CCDC112: variants seen among roughly 807,000 people sequenced by gnomAD.
The protein encoded by CCDC112 is coiled-coil domain-containing protein 112.
CCDC112 carries 40 observed loss-of-function variants against 66.3 expected under a neutral mutation model. The ratio of observed to expected loss-of-function variants is 0.60; its 90% CI spans 0.47 to 0.79. CCDC112 has a LOEUF of 0.79. Among genes scored for constraint, CCDC112 ranks in the 30% least tolerant of loss-of-function variants. The pLI is 0.00. For missense variants in CCDC112, 659 were observed against 603.8 expected, an observed-to-expected ratio of 1.09 and a Z score of -0.96; for synonymous variants, 214 against 197.2, an observed-to-expected ratio of 1.09 and a Z score of -0.71.
At chr5:115,287,987 T>C (rs1191537169) in intron 1 of CCDC112, among the ~76,000 whole-genome samples, 3 of 152,052 alleles carry the variant, frequency 2.0e-5, no homozygotes, top group African/African-American at 4.8e-5. Flanking sequence ...AATGCCTTTT[T>C]TTTTCCCCCC....
chr5:115,296,457 G>C lies in CCDC112; in HGVS notation c.87C>G (p.Thr29=). ...GAGGCGCTGGCGTCGCTCCCACGCC[G>C]GTCCCGGTGGCCGCGCCCGCCCCTG... is the stretch of plus-strand genomic sequence containing the variant. ...AVAGAGAATG[T]GVGATPAPQQ... The change falls in exon 1 of 10, where the codon ACC becomes ACG. Residue 29 remains threonine, a synonymous_variant. Coordinates refer to ENST00000379611, the MANE Select transcript of CCDC112 (RefSeq NM_001040440.3). The C allele has an allele frequency of 6.4e-7, 1 of 1,563,014 alleles. No individual in the cohort carries two copies. Among genetic ancestry groups the C allele is most frequent in the African/African-American group, 1.4e-5 (1 of 70,926 alleles).
rs1176478712 is a variant in CCDC112 at position 115,268,871 on chromosome 5, C to T, written c.1547+11G>A. On this transcript the variant is annotated intron_variant, in intron 9 of 9. Transcript: ENST00000379611. ...ATTACTAAATGAACACCAATTCTAACTCTTTCTTACCTATGTGGGATATGT... is the reference window on the plus strand; with the variant it reads ...ATTACTAAATGAACACCAATTCTAATTCTTTCTTACCTATGTGGGATATGT... 20 of 1,487,124 alleles carry T rather than the reference C, an allele frequency of 1.3e-5. No individual in the cohort carries two copies. Among genetic ancestry groups the T allele is most frequent in the Non-Finnish European group, 1.8e-5 (20 of 1,094,404 alleles). The allele number at this position is 1,487,124 out of a possible 1,614,324, so 92.1% of individuals were successfully genotyped here.
intron 7 of CCDC112, 114 bp downstream of exon 7, chr5:115,271,099 C>G: frequency 2.2e-6 from 2 of 911,466 alleles, no homozygotes; most frequent in Non-Finnish European, 3.3e-6. Context: ...TTTTGGTATA[C>G]TAATGCTATA....
intron 3 of CCDC112, among the ~76,000 whole-genome samples, chr5:115,278,242 T>A (rs1242458201): frequency 6.6e-6 from 1 of 152,180 alleles, no homozygotes; most frequent in African/African-American, 2.4e-5. Context: ...AGGCTGATAA[T>A]CTTTTTATTT....
Position 115,296,582 on chromosome 5 carries a change from G to T in CCDC112, c.-39C>A. 3 of 1,429,996 alleles carry T rather than the reference G, an allele frequency of 2.1e-6. No homozygotes were observed. Among genetic ancestry groups the T allele is most frequent in the South Asian group, 3.0e-5 (2 of 66,298 alleles). 88.6% of individuals were successfully genotyped at this position (1,429,996 alleles called of 1,614,324 possible). The stretch of plus-strand genomic sequence containing the variant: ...GCTACTCGGGCCGCGGCGGCCACCG[G>T]TGCCTGGGGATTCGTGGCAGGCGCA... On this transcript the variant is annotated 5_prime_UTR_variant, in exon 1 of 10. Transcript: ENST00000379611.
chr5:115,284,312 T>G (rs1212757553), intron 2 of CCDC112, among the ~76,000 whole-genome samples: 1 of 152,148 alleles, frequency 6.6e-6, no homozygotes, highest in African/African-American at 2.4e-5. Flanking sequence ...ATGTTTATCC[T>G]CTATGATCCT....
Position 115,267,823 on chromosome 5 carries a change from G to T in CCDC112, c.*53C>A. ...GAATGTGGTTAGTCACTCTCTCCCTGGTATAACTTAGTATGTTAACATTCT... is the reference window on the plus strand; with the variant it reads ...GAATGTGGTTAGTCACTCTCTCCCTTGTATAACTTAGTATGTTAACATTCT... On this transcript the variant is annotated 3_prime_UTR_variant, in exon 10 of 10. Coordinates refer to ENST00000379611, the MANE Select transcript of CCDC112 (RefSeq NM_001040440.3). 1 of 1,355,082 alleles carries T rather than the reference G, an allele frequency of 7.4e-7. No homozygotes were observed. Among genetic ancestry groups the T allele is most frequent in the Non-Finnish European group, 1.1e-6 (1 of 944,936 alleles). The allele number at this position is 1,355,082 out of a possible 1,614,324, so 83.9% of individuals were successfully genotyped here. A position where few individuals can be genotyped will look rare whatever the true frequency, so the allele number is the denominator to read the frequency against.
In CCDC112 at chr5:115,276,184, G is replaced by C. The variant is rs1201357082; in HGVS notation, c.452-115C>G. 1.5e-5 allele frequency: 11 copies of C among 721,766 alleles called. No homozygotes were observed. In the Admixed American group the frequency reaches 2.9e-4, roughly 19 times the overall value. 44.7% of individuals were successfully genotyped at this position (721,766 alleles called of 1,614,324 possible). A position where few individuals can be genotyped will look rare whatever the true frequency, so the allele number is the denominator to read the frequency against. ...AATTTTAAAATATTTCTTAGCCTAAGGCATAAGAAAGTTGTGCTCAAAAGT... is the reference window on the plus strand; with the variant it reads ...AATTTTAAAATATTTCTTAGCCTAACGCATAAGAAAGTTGTGCTCAAAAGT... On this transcript the variant is annotated intron_variant, in intron 4 of 9. Coordinates refer to ENST00000379611, the MANE Select transcript of CCDC112 (RefSeq NM_001040440.3).
At chr5:115,279,838 A>T in intron 2 of CCDC112, 70 bp from the exon 3 acceptor site, 1 of 832,374 alleles carries the variant, frequency 1.2e-6, no homozygotes, top group Non-Finnish European at 1.8e-6. Flanking sequence ...ATATGAAGAC[A>T]CTCAATAATC....
rs768659898 is a variant in CCDC112, at chr5:115,276,067, C to T, written c.454G>A (p.Val152Ile). ...TCCATCATTTCTCTGAGCTTCTCAACAACTGTAAAAGAAACACGGAAAATT... is the reference window on the plus strand; with the variant it reads ...TCCATCATTTCTCTGAGCTTCTCAATAACTGTAAAAGAAACACGGAAAATT... ...LKDVKPTPDFVEKLREMMEEI... is the reference protein window; with the variant it reads ...LKDVKPTPDFIEKLREMMEEI... The change falls in exon 5 of 10, where the codon GTT (valine) becomes ATT (isoleucine). Residue 152 changes from valine (V) to isoleucine (I), a missense_variant and splice_region_variant. By Grantham distance (29) the Val-to-Ile change is conservative. Transcript: ENST00000379611. 6 of 1,597,370 alleles carry T rather than the reference C, an allele frequency of 3.8e-6. No homozygotes were observed. In the South Asian group the frequency reaches 6.8e-5, roughly 18 times the overall value.
At chr5:115,294,233 T>G (rs1158118728) in intron 1 of CCDC112, among the ~76,000 whole-genome samples, 1 of 152,230 alleles carries the variant, frequency 6.6e-6, no homozygotes, top group Admixed American at 6.5e-5. Flanking sequence ...TGTGATGGAC[T>G]GAATTGTGTT....
chr5:115,269,895 C>G, intron 7 of CCDC112, 97 bp from the exon 8 acceptor site: 1 of 672,688 alleles, frequency 1.5e-6, no homozygotes, highest in Non-Finnish European at 2.5e-6. Flanking sequence ...CCTTACCTAT[C>G]AATATTCCTT....
intron 6 of CCDC112, among the ~76,000 whole-genome samples, chr5:115,272,738 T>C (rs1484599044): frequency 6.6e-6 from 1 of 152,214 alleles, no homozygotes; most frequent in African/African-American, 2.4e-5. Context: ...TTATGGTGTA[T>C]CATTCATTCC....
intron 8 of CCDC112, 50 bp downstream of exon 8, chr5:115,269,653 A>G (rs1302992411): frequency 3.1e-6 from 4 of 1,273,254 alleles, no homozygotes; most frequent in East Asian, 2.4e-5. Context: ...TATCCTTACA[A>G]ATCAAGGAAT....
intron 1 of CCDC112, among the ~76,000 whole-genome samples, chr5:115,291,328 A>C (rs1462319444): frequency 6.6e-6 from 1 of 152,136 alleles, no homozygotes; most frequent in East Asian, 1.9e-4. Flanking sequence ...GTCTGGAATA[A>C]ACTGCAATTG....
In CCDC112 at chr5:115,271,610, T is replaced by C; in HGVS notation, c.935A>G (p.Lys312Arg). 1 of 1,530,764 alleles carries C rather than the reference T, an allele frequency of 6.5e-7. No homozygotes were observed. The highest frequency in any genetic ancestry group is 8.7e-7 in the Non-Finnish European group (1 of 1,147,290). The allele number at this position is 1,530,764 out of a possible 1,614,324, so 94.8% of individuals were successfully genotyped here. Residue 312 changes from lysine to arginine, a missense_variant, in exon 7 of 10, where the codon AAA (lysine) becomes AGA (arginine). Coordinates refer to ENST00000379611, the MANE Select transcript of CCDC112 (RefSeq NM_001040440.3). ...ERKKESIQIW[K>R]TKKQQKREEI... ...CTCCCTTTTTTGCTGCTTTTTAGTT[T>C]TCCAAATCTGAATTGACTAAATGAT...
chr5:115,271,331 G>T lies in CCDC112; in HGVS notation c.1214C>A (p.Thr405Asn), dbSNP rs752274160. 1 of 1,612,918 alleles carries T rather than the reference G, an allele frequency of 6.2e-7. No homozygotes were observed. The highest frequency in any genetic ancestry group is 1.7e-5 in the Admixed American group (1 of 59,866). ...TTCTTCCTGTTCTTTCTTCTGCTGGGTATAACTTTCTAGTAGTAATTTTAA... is the reference window on the plus strand; with the variant it reads ...TTCTTCCTGTTCTTTCTTCTGCTGGTTATAACTTTCTAGTAGTAATTTTAA... ...FKLKLLLESY[T>N]QQKKEQEEFL... The change falls in exon 7 of 10, where the codon ACC becomes AAC. Residue 405 changes from threonine (T) to asparagine (N), a missense_variant. Coordinates refer to ENST00000379611, the MANE Select transcript of CCDC112 (RefSeq NM_001040440.3).
intron 1 of CCDC112, chr5:115,296,166 T>C (rs1561502661): frequency 8.0e-7 from 1 of 1,242,782 alleles, no homozygotes; most frequent in Non-Finnish European, 1.0e-6. Flanking sequence ...GCCGACAGCA[T>C]ATGTTCTTAT....
rs747018410 is a variant in CCDC112, at chr5:115,284,897, A to G, written c.129T>C (p.Cys43=). ...GACGAATTCCACCTGAAGTACTAAAACAGCCATCACTCTGCATTGAGAACA... is the reference window on the plus strand; with the variant it reads ...GACGAATTCCACCTGAAGTACTAAAGCAGCCATCACTCTGCATTGAGAACA... The part of the protein sequence containing the change: ...ATPAPQQSDG[C]FSTSGGIRPF... Residue 43 remains cysteine, a synonymous_variant, in exon 2 of 10, where the codon TGT becomes TGC. Coordinates refer to ENST00000379611, the MANE Select transcript of CCDC112 (RefSeq NM_001040440.3). 3.1e-6 allele frequency: 5 copies of G among 1,612,510 alleles called. No individual in the cohort carries two copies. In the East Asian group the frequency reaches 1.1e-4, roughly 36 times the overall value.
Sources: gnomAD v4.1 joint callset for allele counts (sites outside exome capture counted in the v4.1 genomes callset) on GRCh38, gnomAD v4.1.1 for gene constraint, MANE v1.5 for transcripts, NCBI Gene and HGNC (gene_info 2026-07-23, HGNC 2026-07-21) for gene names.